Variants in CD300LD observed in about 807,000 individuals in gnomAD.
The protein encoded by CD300LD is CD300 molecule like family member d.
A neutral mutation model predicts 20.3 loss-of-function variants in CD300LD; 18 were observed. That is an observed-to-expected ratio of 0.89 (90% CI 0.61 to 1.32). The LOEUF (loss-of-function observed/expected upper bound fraction) is 1.32, where lower values mean the gene tolerates loss of function less well. CD300LD is among the 40% of genes most tolerant of loss of function. The pLI is 0.00. For missense variants in CD300LD, 195 were observed against 226.6 expected, an observed-to-expected ratio of 0.86 and a Z score of 0.90; for synonymous variants, 104 against 90.1, an observed-to-expected ratio of 1.15 and a Z score of -0.87.
chr17:74,589,030 CT>C (rs1447793388), intron 1 of CD300LD, among the ~76,000 whole-genome samples, 181 bp from the exon 2 acceptor site: 1 of 152,236 alleles, frequency 6.6e-6, no homozygotes. Flanking sequence ...AGGAAAATCA[CT>C]GAAGAGCACA....
chr17:74,585,896 G>A (rs989675740), intron 2 of CD300LD, among the ~76,000 whole-genome samples: 31 of 152,122 alleles, frequency 2.0e-4, no homozygotes, highest in Admixed American at 1.6e-3. Context: ...TTAGGTAATC[G>A]TCCTTATTCA....
intron 3 of CD300LD, among the ~76,000 whole-genome samples, chr17:74,580,820 C>T (rs1308938305): frequency 6.6e-6 from 1 of 151,218 alleles, no homozygotes. Context: ...AATCCCAGCA[C>T]TTTGGGAGGC....
At chr17:74,584,855 A>G (rs1485993917) in intron 2 of CD300LD, 1 of 154,120 alleles carries the variant, frequency 6.5e-6, no homozygotes, top group Non-Finnish European at 1.5e-5. Flanking sequence ...GAGCAGAGAA[A>G]GAGAAACTGA....
intron 1 of CD300LD, among the ~76,000 whole-genome samples, chr17:74,591,048 T>C (rs2030299748): frequency 6.6e-6 from 1 of 151,922 alleles, no homozygotes; most frequent in South Asian, 2.1e-4. Flanking sequence ...GTACTCCAGA[T>C]TGGGTGACAG....
chr17:74,582,279 T>G lies in CD300LD; in HGVS notation c.412A>C (p.Thr138Pro), dbSNP rs760525188. ...TQTAVSEWTT[T>P]TASLAFTAAA... ...GCTGTGAAAGCCAGGCTTGCTGTTG[T>G]GGTTGTCCATTCTGAGACTGCAGTT... The change falls in exon 3 of 4, where the codon ACA becomes CCA. Residue 138 changes from threonine to proline, a missense_variant. By Grantham distance (38) the Thr-to-Pro change is conservative. Transcript: ENST00000375352. The G allele has an allele frequency of 6.8e-6, 11 of 1,613,830 alleles. No homozygotes were observed. The highest frequency in any genetic ancestry group is 8.5e-6 in the Non-Finnish European group (10 of 1,179,780).
chr17:74,585,265 G>T (rs1486413657), intron 2 of CD300LD, among the ~76,000 whole-genome samples: 3 of 152,116 alleles, frequency 2.0e-5, no homozygotes, highest in Non-Finnish European at 4.4e-5. Flanking sequence ...TCTTAAATTT[G>T]ATCTTTTTGT....
chr17:74,589,427 G>A (rs1008673402), intron 1 of CD300LD, among the ~76,000 whole-genome samples: 3 of 152,220 alleles, frequency 2.0e-5, no homozygotes, highest in African/African-American at 7.2e-5. Context: ...AAATTCCTAG[G>A]AAAAGCTAAC....
Position 74,580,060 on chromosome 17 carries a change from A to G in CD300LD, c.527T>C (p.Leu176Pro), listed in dbSNP as rs1450647519. The change falls in exon 4 of 4, where the codon CTG becomes CCG. Residue 176 changes from leucine to proline, a missense_variant. Physicochemically the swap from Leu to Pro is moderately conservative, Grantham distance 98. Transcript: ENST00000375352. ...GACGGTCCCCAGCATGCTCAGGAGC[A>G]GAGGCAGCTCCAGGAGGAACAGGAA... Reference protein sequence around the residue: ...FLFLFLLELPLLLSMLGTVLW... With the variant: ...FLFLFLLELPPLLSMLGTVLW... The G allele has an allele frequency of 2.5e-6, 4 of 1,613,632 alleles. No homozygotes were observed. Among genetic ancestry groups the G allele is most frequent in the Non-Finnish European group, 3.4e-6 (4 of 1,179,768 alleles).
chr17:74,589,106 CCT>C (rs925703134), intron 1 of CD300LD, among the ~76,000 whole-genome samples: 4 of 152,226 alleles, frequency 2.6e-5, no homozygotes, highest in African/African-American at 9.6e-5. Context: ...GCAGTTCACC[CCT>C]CTCTCTTTCC....
intron 2 of CD300LD, 93 bp from the exon 3 acceptor site, chr17:74,582,404 G>T: frequency 2.1e-6 from 2 of 971,432 alleles, no homozygotes; most frequent in Admixed American, 2.5e-5. Flanking sequence ...GAATTAAGGA[G>T]CCTCTGCCTT....
intron 2 of CD300LD, chr17:74,585,112 G>A (rs2030126856): frequency 6.6e-6 from 1 of 152,186 alleles, no homozygotes; most frequent in African/African-American, 2.4e-5. Flanking sequence ...TAAACAAACT[G>A]GTGCTCAGGT....
chr17:74,587,417 T>A (rs908761382), intron 2 of CD300LD, among the ~76,000 whole-genome samples: 24 of 152,230 alleles, frequency 1.6e-4, no homozygotes, highest in African/African-American at 5.8e-4. Context: ...ATAAAATCTG[T>A]TGTAATGTTA....
intron 1 of CD300LD, among the ~76,000 whole-genome samples, chr17:74,591,268 A>AAAAAAT (rs146085886): frequency 1.5e-4 from 21 of 142,390 alleles, no homozygotes; most frequent in Admixed American, 4.2e-4. Context: ...AAAAAAATAA[A>AAAAAAT]AATAATAATA....
At chr17:74,581,285 AC>A (rs2143270072) in intron 3 of CD300LD, among the ~76,000 whole-genome samples, 1 of 151,324 alleles carries the variant, frequency 6.6e-6, no homozygotes, top group South Asian at 2.1e-4. Flanking sequence ...ACAGAGTTGA[AC>A]TGCAGAGGGA....
chr17:74,585,662 C>T (rs902306293), intron 2 of CD300LD, among the ~76,000 whole-genome samples: 3 of 152,146 alleles, frequency 2.0e-5, no homozygotes, highest in East Asian at 1.9e-4. Context: ...GAATTGAAAG[C>T]GAGTGTAGTT....
intron 1 of CD300LD, among the ~76,000 whole-genome samples, chr17:74,589,309 T>A (rs946199058): frequency 1.3e-5 from 2 of 152,098 alleles, no homozygotes; most frequent in African/African-American, 4.8e-5. Context: ...CCTGAATGAA[T>A]CCCTTTGAAA....
chr17:74,591,886 T>C, intron 1 of CD300LD: 1 of 637,886 alleles, frequency 1.6e-6, no homozygotes, highest in Non-Finnish European at 2.4e-6. Flanking sequence ...CATTGATATC[T>C]GTTCATTCAT....
downstream of CD300LD, among the ~76,000 whole-genome samples, chr17:74,578,809 A>T (rs528421092): frequency 1.2e-4 from 18 of 152,244 alleles, no homozygotes; most frequent in Admixed American, 1.3e-4. Context: ...CTTAACCACC[A>T]GATGATCCCA....
At position 74,592,257 on chromosome 17, in the gene CD300LD, G is replaced by A. The variant is rs755501459; in HGVS notation, c.-55C>T. The A allele has an allele frequency of 2.3e-5, 37 of 1,613,892 alleles. No homozygotes were observed. Among genetic ancestry groups the A allele is most frequent in the Middle Eastern group, 3.3e-4 (2 of 6,082 alleles). ...TCACAGGTGTCTGGTGCCCTTCAGG[G>A]ACTTGAATCCAAGCTCGGAAGTCAA... On this transcript the variant is annotated 5_prime_UTR_variant, in exon 1 of 4. Coordinates refer to ENST00000375352, the MANE Select transcript of CD300LD (RefSeq NM_001115152.2).
Sources: gnomAD v4.1 joint callset for allele counts (sites outside exome capture counted in the v4.1 genomes callset) on GRCh38, gnomAD v4.1.1 for gene constraint, MANE v1.5 for transcripts, NCBI Gene and HGNC (gene_info 2026-07-23, HGNC 2026-07-21) for gene names.